RALYL: variants seen among roughly 807,000 people sequenced by gnomAD.
The protein encoded by RALYL is RALY RNA binding protein like, also known as RNA-binding Raly-like protein.
In RALYL, 29 loss-of-function variants were observed where a neutral mutation model predicts 35.1. The ratio of observed to expected loss-of-function variants is 0.83; its 90% CI spans 0.61 to 1.13. The LOEUF is 1.13. Among genes scored for constraint, RALYL ranks in the 50% most tolerant of loss-of-function variants. The pLI, the probability that RALYL is intolerant of heterozygous loss-of-function variation, is 0.00. For missense variants in RALYL, 359 were observed against 360.4 expected, an observed-to-expected ratio of 1.00 and a Z score of 0.03; for synonymous variants, 120 against 127.6, an observed-to-expected ratio of 0.94 and a Z score of 0.40.
chr8:84,724,976 T>C (rs1163218209), intron 2 of RALYL, among the ~76,000 whole-genome samples: 1 of 151,702 alleles, frequency 6.6e-6, no homozygotes, highest in Non-Finnish European at 1.5e-5. Flanking sequence ...TTATGAAGCA[T>C]AGCTTCATTT....
intron 1 of RALYL, among the ~76,000 whole-genome samples, chr8:84,498,999 T>C (rs2056382285): frequency 6.6e-6 from 1 of 151,946 alleles, no homozygotes; most frequent in Non-Finnish European, 1.5e-5. Context: ...AAATAGGAGT[T>C]TTCTTTAGGG....
intron 8 of RALYL, among the ~76,000 whole-genome samples, chr8:84,914,785 C>G (rs1356779296): frequency 6.6e-6 from 1 of 151,914 alleles, no homozygotes; most frequent in East Asian, 1.9e-4. Flanking sequence ...AGAACTACTA[C>G]AAATCAGGGA....
intron 1 of RALYL, among the ~76,000 whole-genome samples, chr8:84,480,114 TTG>T (rs2053888532): frequency 6.6e-6 from 1 of 152,154 alleles, no homozygotes; most frequent in Non-Finnish European, 1.5e-5. Flanking sequence ...GTTATTCTTA[TTG>T]TGTCAAATAA....
chr8:84,443,083 T>A (rs527282031), intron 1 of RALYL, among the ~76,000 whole-genome samples: 28 of 152,292 alleles, frequency 1.8e-4, no homozygotes, highest in African/African-American at 6.3e-4. Context: ...ACAAGTCAGC[T>A]ATCATTTTTA....
intron 1 of RALYL, among the ~76,000 whole-genome samples, chr8:84,310,046 C>CTTTTTT (rs111327883): frequency 6.8e-6 from 1 of 146,010 alleles, no homozygotes. Context: ...TTTCTTTTTT[C>CTTTTTT]TTTTTTTTTT....
intron 4 of RALYL, among the ~76,000 whole-genome samples, chr8:84,830,874 TAAG>T (rs1301661820): frequency 6.6e-6 from 1 of 152,072 alleles, no homozygotes; most frequent in Non-Finnish European, 1.5e-5. Flanking sequence ...TAGATTATAA[TAAG>T]AAGAGATTAA....
At chr8:84,773,949 C>T (rs765308301) in intron 2 of RALYL, among the ~76,000 whole-genome samples, 3 of 152,130 alleles carry the variant, frequency 2.0e-5, no homozygotes, top group East Asian at 1.9e-4. Flanking sequence ...CCAGTCACAG[C>T]GGCTCACACC....
intron 2 of RALYL, among the ~76,000 whole-genome samples, chr8:84,549,247 C>G (rs920267295): frequency 2.0e-5 from 3 of 152,186 alleles, no homozygotes; most frequent in Non-Finnish European, 4.4e-5. Flanking sequence ...AGTAAAACAA[C>G]AAGCCGAAAT....
intron 1 of RALYL, among the ~76,000 whole-genome samples, chr8:84,390,484 T>G (rs978967493): frequency 1.3e-5 from 2 of 151,996 alleles, no homozygotes; most frequent in African/African-American, 4.8e-5. Flanking sequence ...GACTCTTTTT[T>G]GTTGGTAAGG....
At chr8:84,919,858 G>A (rs1849053287) in intron 8 of RALYL, among the ~76,000 whole-genome samples, 1 of 151,920 alleles carries the variant, frequency 6.6e-6, no homozygotes, top group Non-Finnish European at 1.5e-5. Flanking sequence ...CAAGATTTGA[G>A]GGAGGCACAT....
At chr8:84,209,465 A>C (rs973813313) in intron 1 of RALYL, among the ~76,000 whole-genome samples, 1 of 152,190 alleles carries the variant, frequency 6.6e-6, no homozygotes, top group East Asian at 1.9e-4. Context: ...GAAAATGGGG[A>C]TGGGAACATC....
At chr8:84,336,183 A>G (rs951002641) in intron 1 of RALYL, among the ~76,000 whole-genome samples, 3 of 152,150 alleles carry the variant, frequency 2.0e-5, no homozygotes, top group Non-Finnish European at 4.4e-5. Flanking sequence ...TGGAATAGTC[A>G]TATTTCTGAG....
At chr8:84,904,260 T>C (rs771978927) in intron 8 of RALYL, among the ~76,000 whole-genome samples, 2 of 152,108 alleles carry the variant, frequency 1.3e-5, no homozygotes, top group Non-Finnish European at 2.9e-5. Flanking sequence ...CTGAAAAAAA[T>C]AGATGATATG....
chr8:84,624,659 G>A (rs1294337289), intron 2 of RALYL, among the ~76,000 whole-genome samples: 2 of 152,108 alleles, frequency 1.3e-5, no homozygotes, highest in African/African-American at 4.8e-5. Flanking sequence ...TTTTTGTCTT[G>A]TAAGATTACA....
intron 1 of RALYL, among the ~76,000 whole-genome samples, chr8:84,357,735 A>C (rs527269307): frequency 6.7e-6 from 1 of 148,904 alleles, no homozygotes; most frequent in South Asian, 2.1e-4. Context: ...CTTTTTCCTT[A>C]TTCATTCTAA....
intron 1 of RALYL, among the ~76,000 whole-genome samples, chr8:84,300,701 C>T (rs1387705868): frequency 6.6e-6 from 1 of 151,820 alleles, no homozygotes; most frequent in African/African-American, 2.4e-5. Context: ...TCTTTTGTAT[C>T]ATTGTTTGAA....
At chr8:84,815,650 C>T (rs1827063735) in intron 4 of RALYL, among the ~76,000 whole-genome samples, 1 of 151,768 alleles carries the variant, frequency 6.6e-6, no homozygotes, top group Admixed American at 6.6e-5. Context: ...TAATAAAATT[C>T]TGCTAGGAGA....
intron 2 of RALYL, among the ~76,000 whole-genome samples, chr8:84,766,131 C>T (rs142639620): frequency 0.018 from 2,757 of 152,086 alleles, 88 homozygotes; most frequent in African/African-American, 0.063. Context: ...AAGTTGAATC[C>T]ATGGCAAATA....
chr8:84,322,403 G>T (rs189495393), intron 1 of RALYL, among the ~76,000 whole-genome samples: 1 of 152,196 alleles, frequency 6.6e-6, no homozygotes, highest in Admixed American at 6.5e-5. Context: ...GTAAATAATA[G>T]CTACCACCTC....
Sources: allele counts gnomAD v4.1 joint callset (sites outside exome capture counted in the v4.1 genomes callset), GRCh38; gene constraint gnomAD v4.1.1; transcripts MANE v1.5; gene names NCBI Gene and HGNC (gene_info 2026-07-23, HGNC 2026-07-21).